ATF1: variants seen among roughly 807,000 people sequenced by gnomAD.
The protein encoded by ATF1 is activating transcription factor 1.
In ATF1, 16 loss-of-function variants were observed where a neutral mutation model predicts 34.7. That is an observed-to-expected ratio of 0.46 (90% CI 0.31 to 0.70). ATF1 has a LOEUF of 0.70. Ranked by LOEUF, ATF1 falls within the 30% of genes least tolerant of loss-of-function variation. The probability of loss-of-function intolerance (pLI) is 0.05; values close to 1 mark genes in which losing one functional copy is unlikely to be tolerated. For missense variants in ATF1, 255 were observed against 321.6 expected (o/e 0.79, Z 1.58); for synonymous variants, 105 against 113.1 (o/e 0.93, Z 0.46).
intron 1 of ATF1, among the ~76,000 whole-genome samples, chr12:50,779,465 G>A (rs147065040): frequency 1.1e-4 from 17 of 151,842 alleles, no homozygotes; most frequent in African/African-American, 3.4e-4. Context: ...GTATGTATGA[G>A]GTGATATTTC....
intron 6 of ATF1, 149 bp from the exon 7 acceptor site, chr12:50,819,486 A>G: frequency 1.1e-6 from 1 of 911,646 alleles, no homozygotes; most frequent in Non-Finnish European, 1.6e-6. Context: ...AAACTGACTG[A>G]ATTCTACACT....
chr12:50,795,849 A>C, intron 2 of ATF1, 60 bp from the exon 3 acceptor site: 10 of 1,336,600 alleles, frequency 7.5e-6, no homozygotes, highest in Non-Finnish European at 1.1e-5. Context: ...AAAAGTAAAA[A>C]TTCAGTTGTT....
chr12:50,816,923 C>CT (rs1224149185), intron 6 of ATF1, among the ~76,000 whole-genome samples: 1 of 152,074 alleles, frequency 6.6e-6, no homozygotes, highest in Non-Finnish European at 1.5e-5. Flanking sequence ...ACTACTCAGC[C>CT]TTATTAGTAA....
chr12:50,766,339 C>G (rs1373782005), intron 1 of ATF1, among the ~76,000 whole-genome samples: 5 of 152,096 alleles, frequency 3.3e-5, no homozygotes, highest in Non-Finnish European at 7.4e-5. Context: ...GTTAGAGTCC[C>G]TCTCAGGTAA....
At chr12:50,818,188 C>T (rs1299680388) in intron 6 of ATF1, among the ~76,000 whole-genome samples, 1 of 152,108 alleles carries the variant, frequency 6.6e-6, no homozygotes. Flanking sequence ...GGCTCATGCC[C>T]ATAATCCCGA....
intron 1 of ATF1, among the ~76,000 whole-genome samples, chr12:50,779,197 A>G (rs1294173140): frequency 1.3e-5 from 2 of 152,190 alleles, no homozygotes; most frequent in Admixed American, 6.5e-5. Flanking sequence ...CCTTTTGGCT[A>G]TTGTGAATAA....
chr12:50,791,692 G>A (rs563811533), intron 2 of ATF1, among the ~76,000 whole-genome samples: 1 of 152,290 alleles, frequency 6.6e-6, no homozygotes, highest in South Asian at 2.1e-4. Context: ...AAATCCAAGA[G>A]TAATGGTATG....
chr12:50,801,039 G>A (rs1248750906), intron 3 of ATF1, among the ~76,000 whole-genome samples: 1 of 152,144 alleles, frequency 6.6e-6, no homozygotes, highest in African/African-American at 2.4e-5. Context: ...AGGTTGCAGT[G>A]AGCCGAGATC....
At position 50,814,382 on chromosome 12, in the gene ATF1, A is replaced by G. The variant is rs770356640; in HGVS notation, c.614A>G (p.Gln205Arg). 1.2e-6 allele frequency: 2 copies of G among 1,614,206 alleles called. No individual in the cohort carries two copies. Among genetic ancestry groups the G allele is most frequent in the South Asian group, 1.1e-5 (1 of 91,084 alleles). Reference sequence around the variant, plus strand: ...ACATCTCCTGTGACTCTCACCTCTCAGACAACTAAGACAGATGACCCCCAA... The same window carrying G: ...ACATCTCCTGTGACTCTCACCTCTCGGACAACTAAGACAGATGACCCCCAA... ...VMTSPVTLTS[Q>R]TTKTDDPQLK... Residue 205 changes from glutamine (Q) to arginine (R), a missense_variant, in exon 6 of 7, where the codon CAG becomes CGG. This residue lies in a region of ATF1 where 221 missense variants were observed against 250.7 expected (regional missense o/e 0.88). Coordinates refer to ENST00000262053, the MANE Select transcript of ATF1 (RefSeq NM_005171.5).
chr12:50,782,726 G>T (rs1354560046), intron 2 of ATF1, among the ~76,000 whole-genome samples: 6 of 122,676 alleles, frequency 4.9e-5, no homozygotes, highest in African/African-American at 1.6e-4. Flanking sequence ...GTCTTGCTCT[G>T]TCGCCCAGAC....
In ATF1 at chr12:50,813,022, C is replaced by G. The variant is rs553156424; in HGVS notation, c.329-988C>G. On this transcript the variant is annotated intron_variant, in intron 4 of 6. Coordinates refer to ENST00000262053, the MANE Select transcript of ATF1 (RefSeq NM_005171.5). Reference sequence around the variant, plus strand: ...AAAAGGAAAAAAAAATGTTTCATAACTGTAATCTGAAAAGAGGGTACAGAG... The same window carrying G: ...AAAAGGAAAAAAAAATGTTTCATAAGTGTAATCTGAAAAGAGGGTACAGAG... 2.0e-5 allele frequency among the ~76,000 whole-genome samples: 3 copies of G among 152,206 alleles called. No individual in the cohort carries two copies. The South Asian group carries it at 6.2e-4, about 32-fold the overall frequency.
chr12:50,779,777 T>G (rs1941014253), intron 1 of ATF1, among the ~76,000 whole-genome samples: 1 of 152,184 alleles, frequency 6.6e-6, no homozygotes, highest in African/African-American at 2.4e-5. Flanking sequence ...GTTCAACTTT[T>G]ACTCAGTAAA....
At chr12:50,813,661 A>T (rs1020634990) in intron 4 of ATF1, among the ~76,000 whole-genome samples, 1 of 152,082 alleles carries the variant, frequency 6.6e-6, no homozygotes, top group African/African-American at 2.4e-5. Flanking sequence ...TAAAAATATA[A>T]AAATCAGCTG....
chr12:50,768,968 C>T (rs1565897559), intron 1 of ATF1, among the ~76,000 whole-genome samples: 1 of 152,180 alleles, frequency 6.6e-6, no homozygotes, highest in African/African-American at 2.4e-5. Context: ...CTCTTATCTG[C>T]ACTTCTGCCT....
chr12:50,775,028 G>C (rs527480132), intron 1 of ATF1, among the ~76,000 whole-genome samples: 1 of 152,016 alleles, frequency 6.6e-6, no homozygotes, highest in African/African-American at 2.4e-5. Flanking sequence ...ACAGGCCTGA[G>C]CCACCGTGCC....
intron 6 of ATF1, among the ~76,000 whole-genome samples, chr12:50,817,595 G>A (rs1941869601): frequency 6.6e-6 from 1 of 152,124 alleles, no homozygotes; most frequent in African/African-American, 2.4e-5. Context: ...ATACATTACT[G>A]AGGGAAGTAC....
intron 1 of ATF1, among the ~76,000 whole-genome samples, chr12:50,769,449 A>T (rs559067860): frequency 4.6e-5 from 7 of 151,948 alleles, no homozygotes; most frequent in Non-Finnish European, 8.8e-5. Context: ...GGTTGCAGTG[A>T]TCTGAGATTG....
intron 3 of ATF1, among the ~76,000 whole-genome samples, chr12:50,802,967 G>A (rs544431822): frequency 6.9e-6 from 1 of 145,094 alleles, no homozygotes; most frequent in Admixed American, 6.9e-5. Flanking sequence ...ATTAAAAAAT[G>A]AGCAAGGAGG....
chr12:50,771,812 T>C (rs1002945953), intron 1 of ATF1, among the ~76,000 whole-genome samples: 12 of 152,050 alleles, frequency 7.9e-5, no homozygotes, highest in African/African-American at 2.7e-4. Flanking sequence ...AAAACCAAAA[T>C]GGCCACGAGA....
Sources: gnomAD v4.1 joint callset for allele counts (sites outside exome capture counted in the v4.1 genomes callset) on GRCh38, gnomAD v4.1.1 for gene constraint, gnomAD v4.1.1 regional missense constraint, MANE v1.5 for transcripts, NCBI Gene and HGNC (gene_info 2026-07-23, HGNC 2026-07-21) for gene names.